The following DOCK1 variants were observed in gnomAD, a reference collection of about 807,000 sequenced individuals.
The protein encoded by DOCK1 is dedicator of cytokinesis 1, also known as dedicator of cytokinesis protein 1.
Under a neutral mutation model 262.7 loss-of-function variants are expected in DOCK1, and 138 were observed. The ratio of observed to expected loss-of-function variants is 0.53; its 90% confidence interval spans 0.46 to 0.61. The LOEUF (loss-of-function observed/expected upper bound fraction) is 0.61. DOCK1 is among the 20% of genes least tolerant of loss of function. The pLI is 0.00. For synonymous variants in DOCK1, 866 were observed against 867.4 expected (o/e 1.00, Z 0.03); for missense variants, 1,908 against 2,370.7 (o/e 0.80, Z 4.05).
intron 49 of DOCK1, among the ~76,000 whole-genome samples, chr10:127,443,575 T>C (rs2070332621): frequency 6.6e-6 from 1 of 152,156 alleles, no homozygotes; most frequent in Non-Finnish European, 1.5e-5. Context: ...TGCTAGTTGA[T>C]GTGCACACGT....
chr10:127,327,882 T>A (rs1181685462), intron 29 of DOCK1, among the ~76,000 whole-genome samples: 2 of 152,158 alleles, frequency 1.3e-5, no homozygotes, highest in African/African-American at 4.8e-5. Context: ...ATATGACCTG[T>A]CACTTATAGA....
intron 25 of DOCK1, among the ~76,000 whole-genome samples, chr10:127,118,166 A>C (rs965294184): frequency 6.6e-6 from 1 of 152,044 alleles, no homozygotes; most frequent in African/African-American, 2.4e-5. Context: ...CAGTTTTCTC[A>C]TCCTCCATGT....
At chr10:127,237,789 A>T (rs1330714467) in intron 27 of DOCK1, among the ~76,000 whole-genome samples, 1 of 152,092 alleles carries the variant, frequency 6.6e-6, no homozygotes, top group Non-Finnish European at 1.5e-5. Context: ...GTCTGTAATA[A>T]CTCCCTTTTA....
chr10:127,121,455 A>ATGTGTGTGTGTGTGTGTGTGTGTG (rs59477974), intron 25 of DOCK1, among the ~76,000 whole-genome samples: 10 of 148,258 alleles, frequency 6.7e-5, no homozygotes, highest in African/African-American at 2.2e-4. Context: ...GTATATGTAT[A>ATGTGTGTGTGTGTGTGTGTGTGTG]TGTGTGTGTG....
At position 127,428,548 on chromosome 10, in the gene DOCK1, T is replaced by G. The variant is rs535275718; in HGVS notation, c.4914+2537T>G. Among the ~76,000 whole-genome samples, 14 of 133,758 alleles carry G rather than the reference T, an allele frequency of 1.0e-4. No homozygotes were observed. The East Asian group carries it at 2.3e-3, about 22-fold the overall frequency. The allele number at this position is 133,758 out of a possible 152,430, so 87.8% of individuals were successfully genotyped here. On this transcript the variant is annotated intron_variant, in intron 47 of 51. Coordinates refer to ENST00000623213, the MANE Select transcript of DOCK1 (RefSeq NM_001290223.2). Reference sequence around the variant, plus strand: ...CGATTGTGCCATGTGGATTGTGGTGTTGTGTGGATTGGGGTGCCATGTGGA... The same window carrying G: ...CGATTGTGCCATGTGGATTGTGGTGGTGTGTGGATTGGGGTGCCATGTGGA...
At chr10:127,086,555 A>G (rs763719445) in intron 23 of DOCK1, among the ~76,000 whole-genome samples, 23 of 152,348 alleles carry the variant, frequency 1.5e-4, no homozygotes, top group Non-Finnish European at 3.2e-4. Flanking sequence ...CTTTAAAAAT[A>G]GAATAATTGG....
chr10:127,181,479 G>A (rs897857558), intron 27 of DOCK1, among the ~76,000 whole-genome samples: 2 of 152,178 alleles, frequency 1.3e-5, no homozygotes, highest in Admixed American at 1.3e-4. Context: ...CAGTCTGACC[G>A]AGACACCTCC....
chr10:127,329,357 C>A (rs150977826), intron 29 of DOCK1, among the ~76,000 whole-genome samples: 10 of 152,200 alleles, frequency 6.6e-5, no homozygotes, highest in Admixed American at 6.5e-4. Context: ...AAGGAGGAGG[C>A]CTGAGGGATG....
At chr10:126,931,394 T>G (rs1246499072) in intron 1 of DOCK1, among the ~76,000 whole-genome samples, 1 of 152,202 alleles carries the variant, frequency 6.6e-6, no homozygotes, top group Non-Finnish European at 1.5e-5. Flanking sequence ...GATCCTTCTC[T>G]GTGTGGAAGT....
At chr10:127,112,787 G>A (rs535895434) in intron 25 of DOCK1, among the ~76,000 whole-genome samples, 9 of 152,342 alleles carry the variant, frequency 5.9e-5, no homozygotes, top group East Asian at 3.9e-4. Context: ...TGTCTAAGCT[G>A]TAACTGGCAG....
At chr10:127,051,951 G>C (rs1349847310) in intron 21 of DOCK1, among the ~76,000 whole-genome samples, 3 of 152,044 alleles carry the variant, frequency 2.0e-5, no homozygotes, top group African/African-American at 7.2e-5. Context: ...AGTATTTTTG[G>C]TGTCATGCCT....
At position 127,394,053 on chromosome 10, in the gene DOCK1, G is replaced by A. The variant is rs867070553; in HGVS notation, c.3928-9002G>A. ...GTTTGGTTGAGGCCTAGTAATTTTC[G>A]ATAAAGCCCTTAATCCAAGTACTTG... On this transcript the variant is annotated intron_variant, in intron 38 of 51. Coordinates refer to ENST00000623213, the MANE Select transcript of DOCK1 (RefSeq NM_001290223.2). Among the ~76,000 whole-genome samples, 30 of 152,056 alleles carry A rather than the reference G, an allele frequency of 2.0e-4. No homozygotes were observed. In the South Asian group the frequency reaches 2.1e-3, roughly 11 times the overall value.
At chr10:126,986,730 T>G (rs998079250) in intron 4 of DOCK1, among the ~76,000 whole-genome samples, 1 of 152,124 alleles carries the variant, frequency 6.6e-6, no homozygotes, top group African/African-American at 2.4e-5. Flanking sequence ...GCCAATATGG[T>G]GAAACCTCAT....
chr10:127,168,482 A>G (rs1055398494), intron 27 of DOCK1, among the ~76,000 whole-genome samples: 7 of 152,190 alleles, frequency 4.6e-5, no homozygotes, highest in Non-Finnish European at 7.3e-5. Context: ...ATCTGGCCAG[A>G]GCCAGGGAAC....
At position 127,309,650 on chromosome 10, in the gene DOCK1, C is replaced by T. The variant is rs561630834; in HGVS notation, c.3045-29356C>T. The stretch of plus-strand genomic sequence containing the variant: ...AAGGAAGGGATCCAGTTTCCGTTTT[C>T]TGCATATGGCTAGCCAGTTCTCTCA... On this transcript the variant is annotated intron_variant, in intron 29 of 51. Coordinates refer to ENST00000623213, the MANE Select transcript of DOCK1 (RefSeq NM_001290223.2). 2.8e-3 allele frequency among the ~76,000 whole-genome samples: 429 copies of T among 152,238 alleles called. 1 individual carries two copies. Among genetic ancestry groups the T allele is most frequent in the Non-Finnish European group, 5.4e-3 (368 of 68,026 alleles).
At chr10:127,230,577 G>T (rs890156485) in intron 27 of DOCK1, among the ~76,000 whole-genome samples, 1 of 151,144 alleles carries the variant, frequency 6.6e-6, no homozygotes, top group Non-Finnish European at 1.5e-5. Context: ...GACTGTAAGT[G>T]TGTGGATTTA....
intron 23 of DOCK1, among the ~76,000 whole-genome samples, chr10:127,097,803 G>A (rs1323178623): frequency 2.0e-5 from 3 of 152,206 alleles, no homozygotes; most frequent in Non-Finnish European, 4.4e-5. Context: ...ATGAACAGGC[G>A]AAGAGTAAAG....
At chr10:127,245,447 TC>T (rs2059400330) in intron 27 of DOCK1, among the ~76,000 whole-genome samples, 1 of 152,134 alleles carries the variant, frequency 6.6e-6, no homozygotes, top group South Asian at 2.1e-4. Flanking sequence ...CTGTAATTAA[TC>T]CCCATCGCAG....
At chr10:126,960,723 A>AAT (rs1159655828) in intron 1 of DOCK1, among the ~76,000 whole-genome samples, 7,173 of 134,304 alleles carry the variant, frequency 0.053, 411 homozygotes, top group African/African-American at 0.13. Context: ...CCTACCCTCA[A>AAT]ATATATATAT....
Sources: gnomAD v4.1 joint callset for allele counts (sites outside exome capture counted in the v4.1 genomes callset) on GRCh38, gnomAD v4.1.1 for gene constraint, MANE v1.5 for transcripts, NCBI Gene and HGNC (gene_info 2026-07-23, HGNC 2026-07-21) for gene names.